The following STAB1 variants were observed in gnomAD, a reference collection of about 807,000 sequenced individuals.
STAB1 encodes the protein stabilin 1, also known as stabilin-1.
STAB1 carries 250 observed loss-of-function variants against 332.4 expected under a neutral mutation model. The ratio of observed to expected loss-of-function variants is 0.75; its 90% CI spans 0.68 to 0.84. The LOEUF (loss-of-function observed/expected upper bound fraction) is 0.84, where lower values mean the gene tolerates loss of function less well. STAB1 is among the 40% of genes least tolerant of loss of function. STAB1 has a pLI of 0.00. For missense variants in STAB1, 3,249 were observed against 3,489.7 expected, an observed-to-expected ratio of 0.93 and a Z score of 1.74; for synonymous variants, 1,475 against 1,390.4, an observed-to-expected ratio of 1.06 and a Z score of -1.35.
At position 52,522,049 on chromosome 3, in the gene STAB1, G is replaced by A. The variant is rs1411985094; in HGVS notation, c.6284G>A (p.Cys2095Tyr). ...TCCCTGCCCTCAGTGGCAGACCTGT[G>A]CCAGGACGGGCATGGTGGCTGCAGT... is the stretch of plus-strand genomic sequence containing the variant. ...DGRVCTVADL[C>Y]QDGHGGCSEH... Residue 2095 changes from cysteine to tyrosine, a missense_variant, in exon 59 of 69, where the codon TGC becomes TAC. Transcript: ENST00000321725. 6.2e-7 allele frequency: 1 copy of A among 1,613,384 alleles called. No homozygotes were observed. The highest frequency in any genetic ancestry group is 8.5e-7 in the Non-Finnish European group (1 of 1,179,970).
Position 52,524,121 on chromosome 3 carries a change from G to A in STAB1, c.7564G>A (p.Asp2522Asn), listed in dbSNP as rs144435272. The change falls in exon 68 of 69, where the codon GAC becomes AAC. Residue 2522 changes from aspartate to asparagine, a missense_variant. Transcript: ENST00000321725. Reference sequence around the variant, plus strand: ...CCAGGCGGAAGATGATGCTGATGACGACTTCTCACCGTGGCAAGAAGGGAC... The same window carrying A: ...CCAGGCGGAAGATGATGCTGATGACAACTTCTCACCGTGGCAAGAAGGGAC... The part of the protein sequence containing the change: ...AFQAEDDADD[D>N]FSPWQEGTNP... 7 of 1,613,656 alleles carry A rather than the reference G, an allele frequency of 4.3e-6. No homozygotes were observed. The highest frequency in any genetic ancestry group is 2.7e-5 in the African/African-American group (2 of 74,948).
intron 25 of STAB1, among the ~76,000 whole-genome samples, chr3:52,510,713 C>T (rs1200236444): frequency 3.3e-5 from 5 of 152,216 alleles, no homozygotes; most frequent in Non-Finnish European, 7.3e-5. Flanking sequence ...TTTTCAGGCA[C>T]CTATTCCATG....
intron 1 of STAB1, among the ~76,000 whole-genome samples, chr3:52,497,547 G>C (rs1366379058): frequency 6.6e-6 from 1 of 151,614 alleles, no homozygotes; most frequent in Non-Finnish European, 1.5e-5. Context: ...CAAGTAGCTG[G>C]GACTACAGGC....
Position 52,502,194 on chromosome 3 carries a change from A to C in STAB1, c.453A>C (p.Gln151His). 6.2e-7 allele frequency: 1 copy of C among 1,613,394 alleles called. No individual in the cohort carries two copies. Among genetic ancestry groups the C allele is most frequent in the Non-Finnish European group, 8.5e-7 (1 of 1,180,016 alleles). ...NFRGSACQEC[Q>H]DPNRFGPDCQ... Reference sequence around the variant, plus strand: ...GCGGCTCAGCCTGCCAGGAGTGCCAAGACCCCAACCGGTTCGGGCCTGACT... The same window carrying C: ...GCGGCTCAGCCTGCCAGGAGTGCCACGACCCCAACCGGTTCGGGCCTGACT... The change falls in exon 5 of 69, where the codon CAA (glutamine) becomes CAC (histidine). Residue 151 changes from glutamine to histidine, a missense_variant. Physicochemically the swap from Gln to His is conservative, Grantham distance 24. Coordinates refer to ENST00000321725, the MANE Select transcript of STAB1 (RefSeq NM_015136.3).
chr3:52,499,283 G>T lies in STAB1; in HGVS notation c.79-1883G>T, dbSNP rs568518337. On this transcript the variant is annotated intron_variant, in intron 1 of 68. Transcript: ENST00000321725. ...CTGGTTCAGTGCTGAAGGTTGCTGGGACTTTGTTGCCGTAGAAGGCTGGTG... is the reference window on the plus strand; with the variant it reads ...CTGGTTCAGTGCTGAAGGTTGCTGGTACTTTGTTGCCGTAGAAGGCTGGTG... Among the ~76,000 whole-genome samples, 11 of 152,374 alleles carry T rather than the reference G, an allele frequency of 7.2e-5. No individual in the cohort carries two copies. The East Asian group carries it at 1.9e-3, about 27-fold the overall frequency.
rs761560020 is a variant in STAB1 at position 52,520,188 on chromosome 3, G to C, written c.5413-16G>C. ...AGCCTGCCTTTCCACCTCCAACCAT[G>C]ACTCCACTTGCTCAGGCCTTGGCAT... On this transcript the variant is annotated splice_polypyrimidine_tract_variant and intron_variant, in intron 51 of 68. Transcript: ENST00000321725. 2 of 1,613,056 alleles carry C rather than the reference G, an allele frequency of 1.2e-6. No homozygotes were observed. Among genetic ancestry groups the C allele is most frequent in the African/African-American group, 2.7e-5 (2 of 74,942 alleles).
In STAB1 at chr3:52,506,190, C is replaced by T; in HGVS notation, c.1770C>T (p.Ile590=). 6.2e-7 allele frequency: 1 copy of T among 1,612,450 alleles called. No individual in the cohort carries two copies. The highest frequency in any genetic ancestry group is 8.5e-7 in the Non-Finnish European group (1 of 1,179,560). Reference sequence around the variant, plus strand: ...CCCAGCTGACCGTTGAGAAGCTCATCTCCAAGGGTCGGATCCTCACCATGG... The same window carrying T: ...CCCAGCTGACCGTTGAGAAGCTCATTTCCAAGGGTCGGATCCTCACCATGG... The part of the protein sequence containing the change: ...NHGQLTVEKL[I]SKGRILTMAN... Residue 590 remains isoleucine (I), a synonymous_variant, in exon 17 of 69, where the codon ATC becomes ATT. Transcript: ENST00000321725.
In STAB1 at chr3:52,520,011, A is replaced by G; in HGVS notation, c.5303A>G (p.Asp1768Gly). ...CCCTTCACAATGCTGTGGCCCACAG[A>G]CGCCGCCTTTCGAGCTCTGCCTCCG... is the stretch of plus-strand genomic sequence containing the variant. ...HRPFTMLWPT[D>G]AAFRALPPDR... Residue 1768 changes from aspartate to glycine, a missense_variant, in exon 51 of 69, where the codon GAC (aspartate) becomes GGC (glycine). By Grantham distance (94) the Asp-to-Gly change is moderately conservative (BLOSUM62 -1). Transcript: ENST00000321725. 1 of 1,612,278 alleles carries G rather than the reference A, an allele frequency of 6.2e-7. No individual in the cohort carries two copies. The highest frequency in any genetic ancestry group is 2.2e-5 in the East Asian group (1 of 44,876).
At chr3:52,507,128 T>C (rs1708934400) in intron 18 of STAB1, among the ~76,000 whole-genome samples, 1 of 152,244 alleles carries the variant, frequency 6.6e-6, no homozygotes, top group South Asian at 2.1e-4. Context: ...CACTGTAGCC[T>C]CCGCATCCTG....
In STAB1 at chr3:52,523,377, A is replaced by G. The variant is rs375139333; in HGVS notation, c.7140+36A>G. The G allele has an allele frequency of 1.1e-5, 18 of 1,609,198 alleles. No homozygotes were observed. The African/African-American group carries it at 2.0e-4, about 18-fold the overall frequency. On this transcript the variant is annotated intron_variant, in intron 64 of 68. Transcript: ENST00000321725. ...AGGGTGTGGGCAGAGCAGAGCCTGC[A>G]TTGGCCATCTCCATCTGGCCCAGGC...
At position 52,510,425 on chromosome 3, in the gene STAB1, G is replaced by C; in HGVS notation, c.2705G>C (p.Cys902Ser). Residue 902 changes from cysteine to serine, a missense_variant, in exon 25 of 69, where the codon TGT becomes TCT. Physicochemically the swap from Cys to Ser is moderately radical, Grantham distance 112. Transcript: ENST00000321725. ...HKGWSGDGRV[C>S]VAIDECELDM... is the part of the protein sequence containing the mutation. ...GGCTGGAGTGGGGATGGCCGCGTCT[G>C]TGTGGCTATTGACGAGTGTGAGCTG... The C allele has an allele frequency of 6.2e-7, 1 of 1,613,948 alleles. No individual in the cohort carries two copies. Among genetic ancestry groups the C allele is most frequent in the South Asian group, 1.1e-5 (1 of 91,090 alleles).
At chr3:52,501,038 G>C in intron 1 of STAB1, 128 bp from the exon 2 acceptor site, 1 of 1,360,262 alleles carries the variant, frequency 7.4e-7, no homozygotes, top group Non-Finnish European at 1.0e-6. Context: ...AGAACCCTCT[G>C]CTTACTCTGA....
At chr3:52,508,830 A>G (rs1709077533) in intron 21 of STAB1, among the ~76,000 whole-genome samples, 1 of 1,662 alleles carries the variant, frequency 6.0e-4, no homozygotes, top group Non-Finnish European at 1.9e-3. Flanking sequence ...CCAAAATAAC[A>G]ATAATAATAA....
chr3:52,521,631 G>A lies in STAB1; in HGVS notation c.6094G>A (p.Gly2032Ser), dbSNP rs1348380434. ...CACTGTGCATGGCCGCTGTGATGAGGGCCTTGGGGGCTCTGGCTCCTGCTT... is the reference window on the plus strand; with the variant it reads ...CACTGTGCATGGCCGCTGTGATGAGAGCCTTGGGGGCTCTGGCTCCTGCTT... ...RCTVHGRCDE[G>S]LGGSGSCFCD... is the part of the protein sequence containing the mutation. The change falls in exon 57 of 69, where the codon GGC becomes AGC. Residue 2032 changes from glycine (G) to serine (S), a missense_variant. Transcript: ENST00000321725. 3 of 1,613,110 alleles carry A rather than the reference G, an allele frequency of 1.9e-6. No homozygotes were observed. In the South Asian group the frequency reaches 3.3e-5, roughly 18 times the overall value.
At position 52,522,331 on chromosome 3, in the gene STAB1, A is replaced by T; in HGVS notation, c.6467A>T (p.Asn2156Ile). Reference sequence around the variant, plus strand: ...GCCCACTGCTCTCTCCAACCCCAGAACACACGGCGCTGTGAGTGCCACGCA... The same window carrying T: ...GCCCACTGCTCTCTCCAACCCCAGATCACACGGCGCTGTGAGTGCCACGCA... Reference protein sequence around the residue: ...EHANCLSTGLNTRRCECHAGY... With the variant: ...EHANCLSTGLITRRCECHAGY... The change falls in exon 60 of 69, where the codon AAC becomes ATC. Residue 2156 changes from asparagine to isoleucine, a missense_variant and splice_region_variant. Asn to Ile is a moderately radical substitution (Grantham distance 149). Coordinates refer to ENST00000321725, the MANE Select transcript of STAB1 (RefSeq NM_015136.3). 1 of 1,612,840 alleles carries T rather than the reference A, an allele frequency of 6.2e-7. No individual in the cohort carries two copies. Among genetic ancestry groups the T allele is most frequent in the Non-Finnish European group, 8.5e-7 (1 of 1,179,982 alleles).
intron 36 of STAB1, 95 bp downstream of exon 36, chr3:52,515,140 T>A: frequency 6.8e-7 from 1 of 1,476,834 alleles, no homozygotes; most frequent in Non-Finnish European, 9.2e-7. Flanking sequence ...CAGTTTTGCT[T>A]GGCCCAGGCA....
Position 52,510,414 on chromosome 3 carries a change from T to A in STAB1, c.2694T>A (p.Asp898Glu). ...HCTCHKGWSG[D>E]GRVCVAIDEC... The stretch of plus-strand genomic sequence containing the variant: ...CATGCCACAAAGGCTGGAGTGGGGA[T>A]GGCCGCGTCTGTGTGGCTATTGACG... Residue 898 changes from aspartate (D) to glutamate (E), a missense_variant, in exon 25 of 69, where the codon GAT becomes GAA. Coordinates refer to ENST00000321725, the MANE Select transcript of STAB1 (RefSeq NM_015136.3). 1 of 1,613,950 alleles carries A rather than the reference T, an allele frequency of 6.2e-7. No individual in the cohort carries two copies. Among genetic ancestry groups the A allele is most frequent in the Non-Finnish European group, 8.5e-7 (1 of 1,180,036 alleles).
chr3:52,511,589 G>A, intron 25 of STAB1, 61 bp from the exon 26 acceptor site: 1 of 1,483,152 alleles, frequency 6.7e-7, no homozygotes, highest in Non-Finnish European at 9.2e-7. Flanking sequence ...GCCAAGTAAT[G>A]GAGGAAGAAA....
At position 52,519,516 on chromosome 3, in the gene STAB1, C is replaced by T. The variant is rs771251910; in HGVS notation, c.5187C>T (p.Thr1729=). 6 of 1,613,148 alleles carry T rather than the reference C, an allele frequency of 3.7e-6. No homozygotes were observed. Among genetic ancestry groups the T allele is most frequent in the African/African-American group, 1.3e-5 (1 of 74,928 alleles). Residue 1729 remains threonine, a synonymous_variant, in exon 50 of 69, where the codon ACC becomes ACT. Coordinates refer to ENST00000321725, the MANE Select transcript of STAB1 (RefSeq NM_015136.3). ...GAGCCTTTCCTCAGAGAAATGTCACCGCCGCCGCCCAGGGCTTCGGTTACA... is the reference window on the plus strand; with the variant it reads ...GAGCCTTTCCTCAGAGAAATGTCACTGCCGCCGCCCAGGGCTTCGGTTACA... ...DDAPIPRRNV[T]AAAQGFGYKI...
Sources: allele counts gnomAD v4.1 joint callset (sites outside exome capture counted in the v4.1 genomes callset), GRCh38; gene constraint gnomAD v4.1.1; transcripts MANE v1.5; gene names NCBI Gene and HGNC (gene_info 2026-07-23, HGNC 2026-07-21).